CDC16: variants seen among roughly 807,000 people sequenced by gnomAD.
CDC16 encodes cell division cycle 16, also known as cell division cycle protein 16 homolog.
Under a neutral mutation model 87.0 loss-of-function variants are expected in CDC16, and 34 were observed. The ratio of observed to expected loss-of-function variants is 0.39; its 90% CI spans 0.30 to 0.52. CDC16 has a LOEUF of 0.52. Among genes scored for constraint, CDC16 ranks in the 20% least tolerant of loss-of-function variants. The probability of loss-of-function intolerance (pLI) is 0.74; values close to 1 mark genes in which losing one functional copy is unlikely to be tolerated. For synonymous variants in CDC16, 263 were observed against 260.6 expected (o/e 1.01, Z -0.09); for missense variants, 653 against 751.9 (o/e 0.87, Z 1.54).
In CDC16 at chr13:114,244,906, C is replaced by A. The variant is rs760153880; in HGVS notation, c.784C>A (p.Pro262Thr). The stretch of plus-strand genomic sequence containing the variant: ...AACTTTCAGAGTAATGGAGAAAGAT[C>A]CTTTCCATGCAAGTTGTTTACCTGT... ...KLTSVVMEKD[P>T]FHASCLPVHI... Residue 262 changes from proline (P) to threonine (T), a missense_variant, in exon 9 of 18, where the codon CCT (proline) becomes ACT (threonine). By Grantham distance (38) the Pro-to-Thr change is conservative. Coordinates refer to ENST00000356221, the MANE Select transcript of CDC16 (RefSeq NM_001078645.3). 15 of 1,610,312 alleles carry A rather than the reference C, an allele frequency of 9.3e-6. No homozygotes were observed. Among genetic ancestry groups the A allele is most frequent in the Non-Finnish European group, 1.3e-5 (15 of 1,177,534 alleles).
chr13:114,242,329 G>T, intron 6 of CDC16, 49 bp downstream of exon 6: 1 of 1,569,318 alleles, frequency 6.4e-7, no homozygotes, highest in Non-Finnish European at 8.7e-7. Context: ...AATTAATATT[G>T]TTTGGATTTT....
At position 114,243,319 on chromosome 13, in the gene CDC16, C is replaced by A; in HGVS notation, c.604C>A (p.Arg202Ser). The A allele has an allele frequency of 6.3e-7, 1 of 1,580,782 alleles. No individual in the cohort carries two copies. The highest frequency in any genetic ancestry group is 8.7e-7 in the Non-Finnish European group (1 of 1,150,204). ...KLCNEEQELL[R>S]FLFENKLKKY... Reference sequence around the variant, plus strand: ...GTGTAATGAAGAACAGGAATTGCTGCGTTTTCTATTTGAGAACAAATTGAA... The same window carrying A: ...GTGTAATGAAGAACAGGAATTGCTGAGTTTTCTATTTGAGAACAAATTGAA... Residue 202 changes from arginine to serine, a missense_variant, in exon 7 of 18, where the codon CGT (arginine) becomes AGT (serine). Coordinates refer to ENST00000356221, the MANE Select transcript of CDC16 (RefSeq NM_001078645.3).
chr13:114,239,231 A>C (rs745753909), intron 4 of CDC16, 119 bp from the exon 5 acceptor site: 94 of 1,467,942 alleles, frequency 6.4e-5, no homozygotes, highest in Middle Eastern at 5.4e-4. Flanking sequence ...AGAAAATTCT[A>C]CTTTAGACAT....
chr13:114,268,701 T>C (rs1377411392), intron 17 of CDC16, among the ~76,000 whole-genome samples: 1 of 152,138 alleles, frequency 6.6e-6, no homozygotes, highest in African/African-American at 2.4e-5. Flanking sequence ...GTGCCTCTAG[T>C]GCCAGCTACT....
rs1011066911 is a variant in CDC16 at position 114,246,746 on chromosome 13, A to G, written c.898-185A>G. The stretch of plus-strand genomic sequence containing the variant: ...TCTTGTGTAGACGTCTCCTTGAGAA[A>G]GAGCCATGGAGTGTCTGCCCTCTTC... On this transcript the variant is annotated intron_variant, in intron 10 of 17. Transcript: ENST00000356221. Among the ~76,000 whole-genome samples, 6 of 152,218 alleles carry G rather than the reference A, an allele frequency of 3.9e-5. No individual in the cohort carries two copies. The South Asian group carries it at 1.0e-3, about 26-fold the overall frequency.
intron 11 of CDC16, chr13:114,247,308 A>T: frequency 3.5e-6 from 1 of 288,704 alleles, no homozygotes; most frequent in African/African-American, 2.3e-5. Flanking sequence ...GACTACAGGC[A>T]CCACCATGCC....
intron 12 of CDC16, among the ~76,000 whole-genome samples, chr13:114,252,404 GTA>G (rs1298249222): frequency 1.3e-5 from 2 of 152,212 alleles, no homozygotes; most frequent in Non-Finnish European, 2.9e-5. Flanking sequence ...GGGATTTAAT[GTA>G]TGAATTTGGG....
chr13:114,261,802 G>T, intron 14 of CDC16, 85 bp from the exon 15 acceptor site: 1 of 898,564 alleles, frequency 1.1e-6, no homozygotes, highest in Admixed American at 2.5e-5. Context: ...AGCCCAGCTT[G>T]CAAGGCGTGA....
Position 114,268,045 on chromosome 13 carries a change from A to G in CDC16, c.1603+2805A>G, listed in dbSNP as rs893098847. Among the ~76,000 whole-genome samples the G allele has an allele frequency of 2.6e-5, 4 of 152,104 alleles. No homozygotes were observed. The East Asian group carries it at 5.8e-4, about 22-fold the overall frequency. ...TCAGGCTTCCACACGGAAACCTTTC[A>G]CTGTCACCAGAGTGTCCCCAGCCAG... On this transcript the variant is annotated intron_variant, in intron 17 of 17. Transcript: ENST00000356221.
intron 12 of CDC16, among the ~76,000 whole-genome samples, chr13:114,255,169 GATGTACTA>G: frequency 6.6e-6 from 1 of 152,292 alleles, no homozygotes; most frequent in African/African-American, 2.4e-5. Context: ...TTACTGGGCA[GATGTACTA>G]ATGACAGATT....
chr13:114,270,896 C>T (rs943644315), intron 17 of CDC16, among the ~76,000 whole-genome samples: 5 of 150,804 alleles, frequency 3.3e-5, no homozygotes, highest in Non-Finnish European at 7.4e-5. Context: ...TCTCCTTGAC[C>T]TCGCAGAAGA....
At chr13:114,270,942 GAC>G (rs1277361162) in intron 17 of CDC16, among the ~76,000 whole-genome samples, 1 of 107,028 alleles carries the variant, frequency 9.3e-6, no homozygotes, top group Non-Finnish European at 1.8e-5. Context: ...TTTTTTTTGA[GAC>G]ACAGTCTCTC....
intron 17 of CDC16, among the ~76,000 whole-genome samples, chr13:114,270,830 G>A (rs556074957): frequency 5.2e-4 from 79 of 152,208 alleles, no homozygotes; most frequent in Non-Finnish European, 8.5e-4. Context: ...TCAAGGGTGG[G>A]AAGTTCATAG....
At chr13:114,245,828 CCTT>C in intron 9 of CDC16, 169 bp from the exon 10 acceptor site, 1 of 561,110 alleles carries the variant, frequency 1.8e-6, no homozygotes, top group Non-Finnish European at 3.2e-6. Context: ...CACAGTGTGT[CCTT>C]CATCTAACTC....
intron 17 of CDC16, among the ~76,000 whole-genome samples, chr13:114,266,039 A>C (rs2083192238): frequency 6.6e-6 from 1 of 151,758 alleles, no homozygotes; most frequent in Admixed American, 6.6e-5. Flanking sequence ...CTGGTCTTGA[A>C]CTCCTGACCT....
chr13:114,246,157 A>G, intron 10 of CDC16, 108 bp downstream of exon 10: 1 of 557,676 alleles, frequency 1.8e-6, no homozygotes, highest in Non-Finnish European at 3.1e-6. Flanking sequence ...ATGATGTTTT[A>G]TTAAAGTGTT....
chr13:114,265,056 C>A, intron 16 of CDC16, 94 bp from the exon 17 acceptor site: 1 of 925,124 alleles, frequency 1.1e-6, no homozygotes, highest in South Asian at 1.3e-5. Context: ...ACTTCCCCCA[C>A]CCTGGATGCC....
At chr13:114,240,222 A>G (rs1288739509) in intron 5 of CDC16, among the ~76,000 whole-genome samples, 1 of 149,956 alleles carries the variant, frequency 6.7e-6, no homozygotes, top group African/African-American at 2.5e-5. Flanking sequence ...TTTTTTTTTT[A>G]AATTAAGACA....
In CDC16 at chr13:114,257,692, T is replaced by C. The variant is rs553453860; in HGVS notation, c.1250+462T>C. 3.9e-5 allele frequency among the ~76,000 whole-genome samples: 6 copies of C among 152,320 alleles called. No homozygotes were observed. The South Asian group carries it at 1.0e-3, about 26-fold the overall frequency. ...CTAGAATATTTGTAGAATAAGTGAT[T>C]TGGTGTTATACTCAAAGAGAAAAAT... On this transcript the variant is annotated intron_variant, in intron 13 of 17. Coordinates refer to ENST00000356221, the MANE Select transcript of CDC16 (RefSeq NM_001078645.3).
Sources: gnomAD v4.1 joint callset for allele counts (sites outside exome capture counted in the v4.1 genomes callset) on GRCh38, gnomAD v4.1.1 for gene constraint, MANE v1.5 for transcripts, NCBI Gene and HGNC (gene_info 2026-07-23, HGNC 2026-07-21) for gene names.